Variants in SLC16A6 observed in about 807,000 individuals in gnomAD.
SLC16A6 encodes solute carrier family 16 member 6.
In SLC16A6, 15 loss-of-function variants were observed where a neutral mutation model predicts 33.8. The ratio of observed to expected loss-of-function variants is 0.44; its 90% CI spans 0.30 to 0.68. SLC16A6 has a LOEUF of 0.68. Among genes scored for constraint, SLC16A6 ranks in the 30% least tolerant of loss-of-function variants. The pLI is 0.10. For synonymous variants in SLC16A6, 219 were observed against 248.4 expected, an observed-to-expected ratio of 0.88 and a Z score of 1.11; for missense variants, 451 against 661.5, an observed-to-expected ratio of 0.68 and a Z score of 3.49.
chr17:68,272,574 T>C, intron 4 of SLC16A6, 65 bp downstream of exon 4: 1 of 1,579,988 alleles, frequency 6.3e-7, no homozygotes, highest in Non-Finnish European at 8.6e-7. Context: ...AAAGTTAGCG[T>C]AGCAAGAATA....
chr17:68,272,456 A>C (rs1428887343), intron 4 of SLC16A6, among the ~76,000 whole-genome samples, 183 bp downstream of exon 4: 1 of 152,222 alleles, frequency 6.6e-6, no homozygotes, highest in Non-Finnish European at 1.5e-5. Flanking sequence ...AGGTGGTCTG[A>C]ATACCTAAAG....
At chr17:68,272,557 G>A in intron 4 of SLC16A6, 82 bp downstream of exon 4, 1 of 1,520,642 alleles carries the variant, frequency 6.6e-7, no homozygotes, top group South Asian at 1.2e-5. Flanking sequence ...CATCCATACT[G>A]TTGGCAAAAG....
At chr17:68,285,999 T>G (rs1467269816) in intron 1 of SLC16A6, among the ~76,000 whole-genome samples, 8 of 152,124 alleles carry the variant, frequency 5.3e-5, no homozygotes, top group Admixed American at 5.2e-4. Context: ...GACCTCGTGA[T>G]CCACCCACCT....
At chr17:68,283,423 A>G (rs1568416748) in intron 1 of SLC16A6, among the ~76,000 whole-genome samples, 1 of 151,702 alleles carries the variant, frequency 6.6e-6, no homozygotes, top group Admixed American at 6.6e-5. Context: ...CCGGAGGCTG[A>G]GGCAGGAGAA....
intron 5 of SLC16A6, among the ~76,000 whole-genome samples, chr17:68,270,553 C>CAA (rs1318666864): frequency 3.6e-5 from 3 of 84,294 alleles, no homozygotes; most frequent in African/African-American, 4.5e-5. Context: ...GACTCCATCT[C>CAA]AAAAAAAAAA....
intron 2 of SLC16A6, among the ~76,000 whole-genome samples, chr17:68,275,712 T>C (rs1446732570): frequency 2.0e-5 from 3 of 152,162 alleles, no homozygotes; most frequent in Non-Finnish European, 4.4e-5. Context: ...CTGGGTGCGG[T>C]GGCTTACACC....
At chr17:68,286,982 CTTTTTG>C (rs1293929941) in intron 1 of SLC16A6, among the ~76,000 whole-genome samples, 2 of 152,068 alleles carry the variant, frequency 1.3e-5, no homozygotes, top group African/African-American at 2.4e-5. Flanking sequence ...AGATGGTGGA[CTTTTTG>C]TTTTTGTTTT....
intron 1 of SLC16A6, among the ~76,000 whole-genome samples, chr17:68,290,397 G>C (rs1401406199): frequency 6.6e-6 from 1 of 152,234 alleles, no homozygotes; most frequent in Non-Finnish European, 1.5e-5. Flanking sequence ...ATCTTCCCTT[G>C]CTACGGAACT....
chr17:68,280,011 G>C (rs923499001), intron 1 of SLC16A6, among the ~76,000 whole-genome samples: 6 of 151,620 alleles, frequency 4.0e-5, no homozygotes, highest in African/African-American at 1.5e-4. Context: ...GCAAAACCCC[G>C]TCTCTACTAA....
chr17:68,274,385 G>A (rs1344348593), intron 2 of SLC16A6: 1 of 212,078 alleles, frequency 4.7e-6, no homozygotes, highest in African/African-American at 2.2e-5. Context: ...AGGATTGTTT[G>A]AGCCTGGGAG....
At position 68,283,853 on chromosome 17, in the gene SLC16A6, G is replaced by A. The variant is rs183033746; in HGVS notation, c.-7-5526C>T. On this transcript the variant is annotated intron_variant, in intron 1 of 5. Transcript: ENST00000580666. Reference sequence around the variant, plus strand: ...AGATCGTGCTATTGCACTCCAGCCTGGGCAAAAAGAGCAAAACTCCGTCTC... The same window carrying A: ...AGATCGTGCTATTGCACTCCAGCCTAGGCAAAAAGAGCAAAACTCCGTCTC... 8.9e-3 allele frequency among the ~76,000 whole-genome samples: 1,013 copies of A among 113,936 alleles called. 8 individuals carry two copies. The highest frequency in any genetic ancestry group is 0.016 in the Middle Eastern group (3 of 182). 74.7% of individuals were successfully genotyped at this position (113,936 alleles called of 152,430 possible). A position where few individuals can be genotyped will look rare whatever the true frequency, so the allele number is the denominator to read the frequency against.
chr17:68,282,047 C>T (rs1555752979), intron 1 of SLC16A6, among the ~76,000 whole-genome samples: 2 of 152,182 alleles, frequency 1.3e-5, no homozygotes, highest in South Asian at 4.1e-4. Context: ...AAGACACATG[C>T]ACACGTATGT....
At chr17:68,282,537 G>A (rs1180776140) in intron 1 of SLC16A6, among the ~76,000 whole-genome samples, 5 of 151,618 alleles carry the variant, frequency 3.3e-5, no homozygotes, top group Non-Finnish European at 1.5e-5. Flanking sequence ...AGTGGCTCAC[G>A]CCTGTAATCC....
chr17:68,279,832 A>C (rs1024837253), intron 1 of SLC16A6, among the ~76,000 whole-genome samples: 3 of 152,220 alleles, frequency 2.0e-5, no homozygotes, highest in Admixed American at 6.5e-5. Context: ...TGATATCTAT[A>C]ATAATCAATG....
At chr17:68,290,128 A>C (rs1269496706) in intron 1 of SLC16A6, among the ~76,000 whole-genome samples, 1 of 152,200 alleles carries the variant, frequency 6.6e-6, no homozygotes, top group African/African-American at 2.4e-5. Flanking sequence ...CCCGGGGTAG[A>C]AACCATCTCC....
At chr17:68,275,072 G>A (rs2075470395) in intron 2 of SLC16A6, among the ~76,000 whole-genome samples, 2 of 152,140 alleles carry the variant, frequency 1.3e-5, no homozygotes, top group Non-Finnish European at 2.9e-5. Context: ...GAGCCACCGC[G>A]CCCAGCCTAG....
In SLC16A6 at chr17:68,267,516, A is replaced by T. The variant is rs1319092710; in HGVS notation, c.*1580T>A. On this transcript the variant is annotated 3_prime_UTR_variant, in exon 6 of 6. Transcript: ENST00000580666. ...CACTTTCATTTCAGTGCAGAGAAAT[A>T]TTCAAGCTTGTGTGTACCTGTAACC... The T allele has an allele frequency of 1.3e-5, 2 of 152,246 alleles. No individual in the cohort carries two copies. The highest frequency in any genetic ancestry group is 2.9e-5 in the Non-Finnish European group (2 of 68,038). The allele number at this position is 152,246 out of a possible 1,614,324, so 9.4% of individuals were successfully genotyped here.
chr17:68,280,244 C>T (rs1381792411), intron 1 of SLC16A6, among the ~76,000 whole-genome samples: 1 of 150,328 alleles, frequency 6.7e-6, no homozygotes, highest in Non-Finnish European at 1.5e-5. Context: ...GAGTGGATTC[C>T]TATCAAAATA....
chr17:68,282,707 G>A (rs1449243712), intron 1 of SLC16A6, among the ~76,000 whole-genome samples: 3 of 149,328 alleles, frequency 2.0e-5, no homozygotes, highest in Non-Finnish European at 4.4e-5. Flanking sequence ...ACTTTGGGAG[G>A]CCGAGATGGG....
Sources: gnomAD v4.1 joint callset for allele counts (sites outside exome capture counted in the v4.1 genomes callset) on GRCh38, gnomAD v4.1.1 for gene constraint, MANE v1.5 for transcripts, NCBI Gene and HGNC (gene_info 2026-07-23, HGNC 2026-07-21) for gene names.